Variants in RHOT1 observed in about 807,000 individuals in gnomAD.
The protein encoded by RHOT1 is ras homolog family member T1, also known as mitochondrial Rho GTPase 1.
In RHOT1, 27 loss-of-function variants were observed where a neutral mutation model predicts 95.3. That is an observed-to-expected ratio of 0.28 (90% CI 0.21 to 0.39). The LOEUF (loss-of-function observed/expected upper bound fraction) is 0.39, where lower values mean the gene tolerates loss of function less well. Among genes scored for constraint, RHOT1 ranks in the 10% least tolerant of loss-of-function variants. The pLI is 1.00. For missense variants in RHOT1, 578 were observed against 786.7 expected, an observed-to-expected ratio of 0.73 and a Z score of 3.17; for synonymous variants, 227 against 263.5, an observed-to-expected ratio of 0.86 and a Z score of 1.34.
intron 19 of RHOT1, among the ~76,000 whole-genome samples, chr17:32,220,187 C>T (rs1410967753): frequency 6.6e-6 from 1 of 151,954 alleles, no homozygotes; most frequent in East Asian, 2.0e-4. Context: ...CATAGCAAGA[C>T]CCCATCTCTA....
intron 15 of RHOT1, 103 bp downstream of exon 15, chr17:32,203,003 C>T: frequency 8.9e-7 from 1 of 1,124,532 alleles, no homozygotes; most frequent in Admixed American, 2.2e-5. Context: ...ATTATTAGAA[C>T]TCAATGGCCT....
chr17:32,180,623 T>A, intron 6 of RHOT1, among the ~76,000 whole-genome samples: 1 of 103,936 alleles, frequency 9.6e-6, no homozygotes. Flanking sequence ...CACCCAAGAA[T>A]GATCAATAAA....
rs146295337 is a variant in RHOT1, at chr17:32,208,162, T to G, written c.1592T>G (p.Leu531Arg). 5 of 1,614,024 alleles carry G rather than the reference T, an allele frequency of 3.1e-6. No homozygotes were observed. In the African/African-American group the frequency reaches 6.7e-5, roughly 22 times the overall value. The part of the protein sequence containing the change: ...PCLIVAAKSD[L>R]HEVKQEYSIS... Reference sequence around the variant, plus strand: ...TTAATCGTAGCTGCAAAGTCAGACCTGCATGAAGTTAAACAAGAATACAGT... The same window carrying G: ...TTAATCGTAGCTGCAAAGTCAGACCGGCATGAAGTTAAACAAGAATACAGT... The change falls in exon 18 of 20, where the codon CTG becomes CGG. Residue 531 changes from leucine to arginine, a missense_variant. Physicochemically the swap from Leu to Arg is moderately radical, Grantham distance 102 (BLOSUM62 -2). This residue lies in a region of RHOT1 where 296 missense variants were observed against 338.5 expected (regional missense o/e 0.87). Coordinates refer to ENST00000545287, the MANE Select transcript of RHOT1 (RefSeq NM_001033566.3).
At chr17:32,172,756 AG>A (rs1402542326) in intron 2 of RHOT1, among the ~76,000 whole-genome samples, 1 of 152,228 alleles carries the variant, frequency 6.6e-6, no homozygotes, top group East Asian at 1.9e-4. Context: ...GCTTGAACCC[AG>A]GGGCAGAGCT....
intron 1 of RHOT1, among the ~76,000 whole-genome samples, chr17:32,156,825 C>T (rs1273170161): frequency 1.3e-5 from 2 of 152,252 alleles, no homozygotes; most frequent in Non-Finnish European, 2.9e-5. Flanking sequence ...CATTTTAACA[C>T]CTTTAATTCA....
intron 6 of RHOT1, 97 bp downstream of exon 6, chr17:32,176,310 C>T: frequency 2.2e-6 from 2 of 917,064 alleles, no homozygotes; most frequent in Non-Finnish European, 3.4e-6. Context: ...AAATCCTTCA[C>T]TTAAATTTAC....
chr17:32,213,928 C>T (rs763206823), intron 19 of RHOT1, among the ~76,000 whole-genome samples: 9 of 152,050 alleles, frequency 5.9e-5, no homozygotes, highest in Non-Finnish European at 8.8e-5. Context: ...CAGTACGTTT[C>T]GGTCATATCT....
At chr17:32,145,144 A>G (rs1567644024) in intron 1 of RHOT1, among the ~76,000 whole-genome samples, 1 of 152,046 alleles carries the variant, frequency 6.6e-6, no homozygotes, top group East Asian at 1.9e-4. Flanking sequence ...TACTAACAAT[A>G]CAATAATTAG....
At chr17:32,189,278 G>GACAAA (rs2036285601) in intron 8 of RHOT1, among the ~76,000 whole-genome samples, 1 of 152,048 alleles carries the variant, frequency 6.6e-6, no homozygotes, top group Non-Finnish European at 1.5e-5. Flanking sequence ...CAGCCTGGGC[G>GACAAA]ACAGAGCGAG....
intron 14 of RHOT1, among the ~76,000 whole-genome samples, chr17:32,201,342 C>T (rs733675): frequency 0.18 from 27,493 of 152,154 alleles, 2,589 homozygotes; most frequent in South Asian, 0.27. Context: ...GTTGATCTTG[C>T]GTTTTAATTT....
chr17:32,223,674 G>A (rs987376153), intron 19 of RHOT1, among the ~76,000 whole-genome samples: 2 of 151,490 alleles, frequency 1.3e-5, no homozygotes, highest in African/African-American at 4.9e-5. Flanking sequence ...CTCAGCCTCC[G>A]AAGTGCTGGG....
At chr17:32,200,812 A>G (rs1567712467) in intron 13 of RHOT1, 144 bp from the exon 14 acceptor site, 4 of 567,718 alleles carry the variant, frequency 7.0e-6, no homozygotes, top group South Asian at 2.0e-5. Context: ...AAGAAAAACT[A>G]TGGTTGGGCT....
intron 16 of RHOT1, among the ~76,000 whole-genome samples, chr17:32,206,441 CTTTTTTTTT>C (rs34176535): frequency 7.5e-5 from 5 of 67,006 alleles, no homozygotes; most frequent in African/African-American, 3.1e-4. Flanking sequence ...TCTATACTTT[CTTTTTTTTT>C]TTTTTTTTTT....
At chr17:32,174,975 A>G (rs1161077465) in intron 3 of RHOT1, among the ~76,000 whole-genome samples, 1 of 152,156 alleles carries the variant, frequency 6.6e-6, no homozygotes, top group Non-Finnish European at 1.5e-5. Flanking sequence ...TCCTGTGTGT[A>G]TAGACTCTTT....
At chr17:32,156,619 G>A (rs1011916947) in intron 1 of RHOT1, among the ~76,000 whole-genome samples, 1 of 152,300 alleles carries the variant, frequency 6.6e-6, no homozygotes, top group Admixed American at 6.5e-5. Flanking sequence ...TGTTTTCTAG[G>A]TGTGCTCCAT....
chr17:32,204,873 C>T (rs2037593465), intron 16 of RHOT1, among the ~76,000 whole-genome samples: 1 of 151,626 alleles, frequency 6.6e-6, no homozygotes. Flanking sequence ...ATCCCAGGTA[C>T]TTAGGAGGCT....
intron 11 of RHOT1, among the ~76,000 whole-genome samples, chr17:32,195,509 CCTT>C (rs1216499077): frequency 6.6e-6 from 1 of 152,132 alleles, no homozygotes; most frequent in African/African-American, 2.4e-5. Context: ...GTTGCAGGAT[CCTT>C]CTTCTATACC....
chr17:32,151,557 G>A (rs2032294188), intron 1 of RHOT1: 3 of 422,702 alleles, frequency 7.1e-6, no homozygotes, highest in Non-Finnish European at 9.1e-6. Flanking sequence ...AGTCCTGCGC[G>A]GTGTGTCTCT....
chr17:32,182,693 T>C (rs1046835515), intron 6 of RHOT1, 64 bp from the exon 7 acceptor site: 5 of 953,776 alleles, frequency 5.2e-6, no homozygotes, highest in African/African-American at 5.0e-5. Context: ...GGTTATGATA[T>C]AAATTAAAAT....
Sources: gnomAD v4.1 joint callset for allele counts (sites outside exome capture counted in the v4.1 genomes callset) on GRCh38, gnomAD v4.1.1 for gene constraint, gnomAD v4.1.1 regional missense constraint, MANE v1.5 for transcripts, NCBI Gene and HGNC (gene_info 2026-07-23, HGNC 2026-07-21) for gene names.